Variants in ADGRL3 observed in about 807,000 individuals in gnomAD.
ADGRL3 encodes calcium-independent alpha-latrotoxin receptor 3.
Under a neutral mutation model 153.5 loss-of-function variants are expected in ADGRL3, and 62 were observed. The observed-to-expected ratio is 0.40, with a 90% CI of 0.33 to 0.50. The LOEUF (loss-of-function observed/expected upper bound fraction) is 0.50, where lower values mean the gene tolerates loss of function less well. Ranked by LOEUF, ADGRL3 falls within the 20% of genes least tolerant of loss-of-function variation. The probability of loss-of-function intolerance (pLI) is 0.47; values close to 1 mark genes in which losing one functional copy is unlikely to be tolerated. For synonymous variants in ADGRL3, 710 were observed against 672.5 expected, an observed-to-expected ratio of 1.06 and a Z score of -0.86; for missense variants, 1,641 against 1,859.4, an observed-to-expected ratio of 0.88 and a Z score of 2.16.
intron 6 of ADGRL3, among the ~76,000 whole-genome samples, chr4:61,696,629 T>A (rs2095646865): frequency 6.6e-6 from 1 of 151,720 alleles, no homozygotes; most frequent in South Asian, 2.1e-4. Context: ...CTTCTATATG[T>A]ATGATAGGTG....
intron 8 of ADGRL3, among the ~76,000 whole-genome samples, chr4:61,736,829 G>A (rs79610239): frequency 0.075 from 11,413 of 152,178 alleles, 506 homozygotes; most frequent in Middle Eastern, 0.14. Context: ...AATTTCACCT[G>A]TTAAATTTGT....
chr4:62,068,558 C>T lies in ADGRL3; in HGVS notation c.3832+375C>T, dbSNP rs183900275. Among the ~76,000 whole-genome samples, 13 of 152,180 alleles carry T rather than the reference C, an allele frequency of 8.5e-5. No homozygotes were observed. In the East Asian group the frequency reaches 2.5e-3, roughly 29 times the overall value. ...TATTTTACTATGGCTGTTTTCAGCCCGTACCTAATGCATTGACAAACCGAA... is the reference window on the plus strand; with the variant it reads ...TATTTTACTATGGCTGTTTTCAGCCTGTACCTAATGCATTGACAAACCGAA... On this transcript the variant is annotated intron_variant, in intron 26 of 26. Transcript: ENST00000683033.
chr4:61,794,638 T>A (rs954102563), intron 8 of ADGRL3, among the ~76,000 whole-genome samples: 2 of 152,194 alleles, frequency 1.3e-5, no homozygotes, highest in African/African-American at 4.8e-5. Context: ...TTGAGATTCC[T>A]GGAAAGGAAA....
intron 11 of ADGRL3, among the ~76,000 whole-genome samples, chr4:61,899,234 T>A (rs1301909193): frequency 6.6e-6 from 1 of 152,134 alleles, no homozygotes; most frequent in Non-Finnish European, 1.5e-5. Flanking sequence ...AATTCCTATA[T>A]CACCATCTCC....
chr4:62,039,941 A>G (rs546653811), intron 24 of ADGRL3, among the ~76,000 whole-genome samples: 75 of 152,212 alleles, frequency 4.9e-4, no homozygotes, highest in South Asian at 4.6e-3. Flanking sequence ...CTCATTTACT[A>G]CTTTACGACA....
chr4:61,576,099 G>A (rs550558061), intron 4 of ADGRL3, among the ~76,000 whole-genome samples: 23 of 152,132 alleles, frequency 1.5e-4, no homozygotes, highest in Admixed American at 1.3e-3. Flanking sequence ...GCTTTAGAAA[G>A]TTAAGTGTGT....
At position 61,299,510 on chromosome 4, in the gene ADGRL3, T is replaced by A. The variant is rs181229407; in HGVS notation, c.-239-83614T>A. On this transcript the variant is annotated intron_variant, in intron 1 of 26. Coordinates refer to ENST00000683033, the MANE Select transcript of ADGRL3 (RefSeq NM_001387552.1). The stretch of plus-strand genomic sequence containing the variant: ...TGGCAATTTGCTTTTAAGTCACATA[T>A]GGAATTAGAGACATCAATCTATGCA... Among the ~76,000 whole-genome samples, 127 of 152,332 alleles carry A rather than the reference T, an allele frequency of 8.3e-4. 1 individual carries two copies. Among genetic ancestry groups the A allele is most frequent in the African/African-American group, 2.9e-3 (121 of 41,570 alleles).
At chr4:61,312,610 GAT>G (rs1438198982) in intron 1 of ADGRL3, among the ~76,000 whole-genome samples, 60 of 152,194 alleles carry the variant, frequency 3.9e-4, no homozygotes, top group Non-Finnish European at 4.4e-5. Flanking sequence ...CACCACAGAA[GAT>G]ATACAGATAA....
At position 61,276,032 on chromosome 4, in the gene ADGRL3, A is replaced by T. The variant is rs1414050633; in HGVS notation, c.-240+74267A>T. Among the ~76,000 whole-genome samples the T allele has an allele frequency of 2.0e-5, 3 of 152,190 alleles. No homozygotes were observed. The East Asian group carries it at 5.8e-4, about 29-fold the overall frequency. The stretch of plus-strand genomic sequence containing the variant: ...CATGATATAAGGGTGCAGGCCCAAA[A>T]CAGAAAGACGGGAGAGTTATTCTGG... On this transcript the variant is annotated intron_variant, in intron 1 of 26. Coordinates refer to ENST00000683033, the MANE Select transcript of ADGRL3 (RefSeq NM_001387552.1).
At chr4:61,803,303 A>G (rs1478777207) in intron 8 of ADGRL3, among the ~76,000 whole-genome samples, 1 of 152,164 alleles carries the variant, frequency 6.6e-6, no homozygotes, top group Non-Finnish European at 1.5e-5. Flanking sequence ...GAATTTTTAT[A>G]TTCTATTAAA....
Position 61,892,926 on chromosome 4 carries a change from T to G in ADGRL3, c.1751T>G (p.Ile584Arg), listed in dbSNP as rs2098598912. The G allele has an allele frequency of 6.5e-7, 1 of 1,544,566 alleles. No individual in the cohort carries two copies. The highest frequency in any genetic ancestry group is 1.4e-5 in the African/African-American group (1 of 72,446). ...IMWFKTRQGQ[I>R]AKQPCPAGTI... ...TGGTTTAAGACTCGTCAAGGACAGA[T>G]AGCAAAGCAGCCATGCCCTGCAGGA... Residue 584 changes from isoleucine (I) to arginine (R), a missense_variant, in exon 10 of 27, where the codon ATA (isoleucine) becomes AGA (arginine). Ile to Arg is a moderately conservative substitution (Grantham distance 97). Transcript: ENST00000683033.
intron 24 of ADGRL3, among the ~76,000 whole-genome samples, chr4:62,039,514 G>T (rs905882098): frequency 6.6e-6 from 1 of 152,082 alleles, no homozygotes; most frequent in Non-Finnish European, 1.5e-5. Flanking sequence ...ATAATTGCAT[G>T]ATTATTAATA....
intron 8 of ADGRL3, among the ~76,000 whole-genome samples, chr4:61,800,341 TATC>T (rs1256579281): frequency 3.9e-5 from 6 of 152,204 alleles, no homozygotes; most frequent in East Asian, 3.8e-4. Context: ...GAACCTGAGT[TATC>T]ATCACGAAAT....
In ADGRL3 at chr4:61,286,980, T is replaced by A. The variant is rs570921938; in HGVS notation, c.-240+85215T>A. On this transcript the variant is annotated intron_variant, in intron 1 of 26. Transcript: ENST00000683033. Reference sequence around the variant, plus strand: ...TTAGTAATTATGGAAGTCAAAGGCCTCTATCAGTTTATAAGAAAAACAAAA... The same window carrying A: ...TTAGTAATTATGGAAGTCAAAGGCCACTATCAGTTTATAAGAAAAACAAAA... 6.4e-4 allele frequency among the ~76,000 whole-genome samples: 97 copies of A among 151,924 alleles called. 1 individual carries two copies. The South Asian group carries it at 0.019, about 30-fold the overall frequency.
intron 4 of ADGRL3, among the ~76,000 whole-genome samples, chr4:61,525,855 TTAGA>T (rs1354906404): frequency 1.3e-5 from 2 of 152,136 alleles, no homozygotes; most frequent in African/African-American, 4.8e-5. Context: ...GAAGTTGGTC[TTAGA>T]TATATTGATT....
chr4:61,579,508 T>C, intron 4 of ADGRL3: 1 of 452,020 alleles, frequency 2.2e-6, no homozygotes, highest in South Asian at 1.6e-5. Context: ...ATGCATTTAT[T>C]CACACACTTG....
chr4:62,016,703 A>G (rs1024151609), intron 21 of ADGRL3, among the ~76,000 whole-genome samples: 3 of 152,122 alleles, frequency 2.0e-5, no homozygotes, highest in African/African-American at 7.2e-5. Context: ...AAATTTCAGA[A>G]TCAGTTGTTA....
chr4:61,641,116 CT>C lies in ADGRL3; in HGVS notation c.474-35708del, dbSNP rs199778266. Among the ~76,000 whole-genome samples, 162 of 152,072 alleles carry C rather than the reference CT, an allele frequency of 1.1e-3. 2 individuals are homozygous for C. The East Asian group carries it at 0.029, about 28-fold the overall frequency. On this transcript the variant is annotated intron_variant, in intron 5 of 26. Coordinates refer to ENST00000683033, the MANE Select transcript of ADGRL3 (RefSeq NM_001387552.1). The stretch of plus-strand genomic sequence containing the variant: ...GGCTTCAAATAAAGTTCCTGCTAAC[CT>C]TATTTCACCTATTTTTTTAATTTAA...
intron 5 of ADGRL3, among the ~76,000 whole-genome samples, chr4:61,653,172 A>T (rs62304031): frequency 0.085 from 1,472 of 17,340 alleles, 10 homozygotes; most frequent in South Asian, 0.12. Context: ...TCTCTCTCTC[A>T]CACACACACA....
Sources: gnomAD v4.1 joint callset for allele counts (sites outside exome capture counted in the v4.1 genomes callset) on GRCh38, gnomAD v4.1.1 for gene constraint, MANE v1.5 for transcripts, NCBI Gene and HGNC (gene_info 2026-07-23, HGNC 2026-07-21) for gene names.